The following CLSTN2 variants were observed in gnomAD, a reference collection of about 807,000 sequenced individuals.
CLSTN2 encodes the protein calsyntenin 2, also known as calsyntenin-2.
CLSTN2 carries 48 observed loss-of-function variants against 101.2 expected under a neutral mutation model. That is an observed-to-expected ratio of 0.47 (90% CI 0.38 to 0.60). The LOEUF is 0.60. Ranked by LOEUF, CLSTN2 falls within the 20% of genes least tolerant of loss-of-function variation. The pLI is 0.00. For synonymous variants in CLSTN2, 481 were observed against 463.6 expected, an observed-to-expected ratio of 1.04 and a Z score of -0.48; for missense variants, 1,160 against 1,238.2, an observed-to-expected ratio of 0.94 and a Z score of 0.95.
chr3:140,308,669 G>T (rs533554871), intron 2 of CLSTN2, among the ~76,000 whole-genome samples: 1 of 152,216 alleles, frequency 6.6e-6, no homozygotes, highest in Non-Finnish European at 1.5e-5. Context: ...TTCTCAGCCA[G>T]CTGGAGTCTG....
At chr3:140,137,990 C>A (rs1355675162) in intron 1 of CLSTN2, among the ~76,000 whole-genome samples, 3 of 152,162 alleles carry the variant, frequency 2.0e-5, no homozygotes, top group Non-Finnish European at 4.4e-5. Context: ...GAGTAACATG[C>A]ACAGAACCAT....
At chr3:140,187,742 G>A (rs1418325831) in intron 2 of CLSTN2, among the ~76,000 whole-genome samples, 3 of 152,030 alleles carry the variant, frequency 2.0e-5, no homozygotes, top group Non-Finnish European at 4.4e-5. Flanking sequence ...CACTGTGTCT[G>A]TCCACTCACT....
intron 1 of CLSTN2, among the ~76,000 whole-genome samples, chr3:140,036,409 G>A (rs1037648500): frequency 6.6e-6 from 1 of 152,054 alleles, no homozygotes; most frequent in African/African-American, 2.4e-5. Flanking sequence ...AACCCCCTCG[G>A]CCTTGTGAAG....
At chr3:140,286,344 A>G (rs1421850342) in intron 2 of CLSTN2, among the ~76,000 whole-genome samples, 1 of 152,138 alleles carries the variant, frequency 6.6e-6, no homozygotes, top group African/African-American at 2.4e-5. Flanking sequence ...CTCCTCCACA[A>G]ATCAGTTAAG....
chr3:140,493,525 G>C (rs560161747), intron 8 of CLSTN2, among the ~76,000 whole-genome samples: 30 of 152,308 alleles, frequency 2.0e-4, no homozygotes, highest in African/African-American at 7.2e-4. Flanking sequence ...AGCACCTACT[G>C]TGTATACCTA....
chr3:140,181,237 A>G (rs1365942580), intron 2 of CLSTN2, among the ~76,000 whole-genome samples: 1 of 152,204 alleles, frequency 6.6e-6, no homozygotes, highest in African/African-American at 2.4e-5. Context: ...ATGTAGATTA[A>G]GTAAGATACT....
chr3:140,158,235 G>C (rs574472902), intron 1 of CLSTN2, among the ~76,000 whole-genome samples: 2 of 152,056 alleles, frequency 1.3e-5, no homozygotes. Flanking sequence ...GAAATAAAAG[G>C]CACCCTAATA....
chr3:140,365,529 G>A (rs1262885956), intron 2 of CLSTN2, among the ~76,000 whole-genome samples: 1 of 152,128 alleles, frequency 6.6e-6, no homozygotes, highest in Non-Finnish European at 1.5e-5. Flanking sequence ...TCCTTCCACA[G>A]GTTTCCTCCC....
intron 12 of CLSTN2, among the ~76,000 whole-genome samples, chr3:140,559,559 CA>C (rs996039549): frequency 1.1e-3 from 5 of 4,656 alleles, no homozygotes; most frequent in African/African-American, 9.4e-3. Context: ...TGGCGGGGGT[CA>C]GGGGGGCGGG....
At chr3:140,497,515 G>C (rs1308723241) in intron 8 of CLSTN2, among the ~76,000 whole-genome samples, 1 of 152,118 alleles carries the variant, frequency 6.6e-6, no homozygotes, top group East Asian at 1.9e-4. Flanking sequence ...CAGAAATGGC[G>C]GCCGCCCCCA....
chr3:140,521,501 G>A (rs185298465), intron 8 of CLSTN2, among the ~76,000 whole-genome samples: 77 of 152,308 alleles, frequency 5.1e-4, no homozygotes, highest in African/African-American at 1.8e-3. Flanking sequence ...GCCTCTGGAA[G>A]CTCCATCCTG....
intron 4 of CLSTN2, among the ~76,000 whole-genome samples, chr3:140,413,139 C>A (rs1236613170): frequency 1.3e-5 from 2 of 151,568 alleles, no homozygotes; most frequent in African/African-American, 2.4e-5. Flanking sequence ...AATTGATAAA[C>A]CTTTACCTAG....
rs780820176 is a variant in CLSTN2, at chr3:140,563,146, C to A, written c.2425C>A (p.Pro809Thr). Residue 809 changes from proline to threonine, a missense_variant, in exon 15 of 17, where the codon CCC becomes ACC. Pro to Thr is a conservative substitution (Grantham distance 38). Coordinates refer to ENST00000458420, the MANE Select transcript of CLSTN2 (RefSeq NM_022131.3). Reference protein sequence around the residue: ...EHVNHLIVQPPFLQSVHHPES... With the variant: ...EHVNHLIVQPTFLQSVHHPES... Reference sequence around the variant, plus strand: ...TGTCAATCATCTGATTGTGCAGCCTCCCTTCCTCCAGTCTGTCCATCATCC... The same window carrying A: ...TGTCAATCATCTGATTGTGCAGCCTACCTTCCTCCAGTCTGTCCATCATCC... 6.2e-7 allele frequency: 1 copy of A among 1,614,164 alleles called. No homozygotes were observed. Among genetic ancestry groups the A allele is most frequent in the Non-Finnish European group, 8.5e-7 (1 of 1,180,004 alleles).
rs1271045740 is a variant in CLSTN2, at chr3:140,532,304, C to A, written c.1345-20C>A. On this transcript the variant is annotated intron_variant, in intron 8 of 16. Coordinates refer to ENST00000458420, the MANE Select transcript of CLSTN2 (RefSeq NM_022131.3). ...ATTACATATTCAATTTTAAATGTTG[C>A]TTCTCTTTCCTTTTCTTAGATTTGT... is the stretch of plus-strand genomic sequence containing the variant. 2 of 1,569,854 alleles carry A rather than the reference C, an allele frequency of 1.3e-6. No homozygotes were observed. The highest frequency in any genetic ancestry group is 1.2e-5 in the South Asian group (1 of 84,880).
At chr3:140,482,057 C>T (rs982645598) in intron 8 of CLSTN2, among the ~76,000 whole-genome samples, 16 of 152,234 alleles carry the variant, frequency 1.1e-4, no homozygotes, top group African/African-American at 3.4e-4. Context: ...CCAGTTTTTG[C>T]CCATTCAGTA....
chr3:140,375,915 A>G (rs1395816589), intron 2 of CLSTN2, among the ~76,000 whole-genome samples: 1 of 152,240 alleles, frequency 6.6e-6, no homozygotes, highest in Non-Finnish European at 1.5e-5. Flanking sequence ...GCCCAGAAAC[A>G]GTAAACTACT....
At chr3:140,564,417 A>C (rs1935991197) in intron 16 of CLSTN2, among the ~76,000 whole-genome samples, 2 of 152,242 alleles carry the variant, frequency 1.3e-5, no homozygotes, top group South Asian at 4.1e-4. Flanking sequence ...AAAGCAAGCA[A>C]ACACCACGAG....
chr3:140,250,218 G>A (rs1381591545), intron 2 of CLSTN2, among the ~76,000 whole-genome samples: 1 of 152,202 alleles, frequency 6.6e-6, no homozygotes, highest in East Asian at 1.9e-4. Context: ...GGTGAGTTAT[G>A]ATTCACTCAG....
chr3:140,126,144 G>T (rs986803102), intron 1 of CLSTN2, among the ~76,000 whole-genome samples: 7 of 152,164 alleles, frequency 4.6e-5, no homozygotes, highest in Non-Finnish European at 1.0e-4. Flanking sequence ...GAGATCATTG[G>T]GTTGAGAAGG....
Sources: gnomAD v4.1 joint callset for allele counts (sites outside exome capture counted in the v4.1 genomes callset) on GRCh38, gnomAD v4.1.1 for gene constraint, MANE v1.5 for transcripts, NCBI Gene and HGNC (gene_info 2026-07-23, HGNC 2026-07-21) for gene names.